Variants in HIPK2 observed in about 807,000 individuals in gnomAD.
HIPK2 encodes homeodomain-interacting protein kinase 2.
In HIPK2, 27 loss-of-function variants were observed where a neutral mutation model predicts 113.7. The observed-to-expected ratio is 0.24, with a 90% confidence interval of 0.17 to 0.33. The LOEUF (loss-of-function observed/expected upper bound fraction) is 0.33, where lower values mean the gene tolerates loss of function less well. HIPK2 is among the 10% of genes least tolerant of loss of function. HIPK2 has a pLI of 1.00. For synonymous variants in HIPK2, 631 were observed against 642.2 expected (o/e 0.98, Z 0.26); for missense variants, 1,257 against 1,588.0 (o/e 0.79, Z 3.54).
At chr7:139,632,917 AAAAC>A (rs544235565) in intron 2 of HIPK2, among the ~76,000 whole-genome samples, 2,460 of 151,858 alleles carry the variant, frequency 0.016, 23 homozygotes, top group Non-Finnish European at 0.027. Flanking sequence ...GTCTCTACCA[AAAAC>A]AAACAAACAA....
intron 1 of HIPK2, 78 bp downstream of exon 1, chr7:139,777,527 G>C: frequency 1.6e-6 from 1 of 643,428 alleles, no homozygotes; most frequent in Non-Finnish European, 2.0e-6. Context: ...CTGCGGGCGC[G>C]GGGCCGCGGG....
In HIPK2 at chr7:139,561,580, T is replaced by TCAAA. The variant is rs774466351; in HGVS notation, c.*11343_*11346dup. 2.0e-5 allele frequency: 3 copies of TCAAA among 152,238 alleles called. No homozygotes were observed. Among genetic ancestry groups the TCAAA allele is most frequent in the Non-Finnish European group, 4.4e-5 (3 of 68,046 alleles). 9.4% of individuals were successfully genotyped at this position (152,238 alleles called of 1,614,324 possible). A position where few individuals can be genotyped will look rare whatever the true frequency, so the allele number is the denominator to read the frequency against. ...CATGCCAGGCAGGTGTACAGTGATT[T>TCAAA]CAAACAGTTTAATGTAATTCCAAGA... On this transcript the variant is annotated 3_prime_UTR_variant, in exon 15 of 15. Coordinates refer to ENST00000406875, the MANE Select transcript of HIPK2 (RefSeq NM_022740.5).
chr7:139,582,490 G>A (rs981032826), intron 13 of HIPK2, among the ~76,000 whole-genome samples: 62 of 152,246 alleles, frequency 4.1e-4, no homozygotes, highest in African/African-American at 1.3e-3. Flanking sequence ...AGGCTGCATC[G>A]TCATGACGGT....
intron 13 of HIPK2, 56 bp from the exon 14 acceptor site, chr7:139,575,344 G>A: frequency 6.6e-7 from 1 of 1,507,822 alleles, no homozygotes; most frequent in East Asian, 2.5e-5. Flanking sequence ...CTGCCCAGAA[G>A]ATGCTACCCC....
rs758831488 is a variant in HIPK2 at position 139,596,913 on chromosome 7, G to A, written c.2521C>T (p.Arg841Cys). ...SKRVKENTPP[R>C]CAMVHSSPAC... ...GGGCTACTGTGCACCATGGCACAGC[G>A]GGGAGGTGTGTTCTCCTTGACACGC... is the stretch of plus-strand genomic sequence containing the variant. Residue 841 changes from arginine (R) to cysteine (C), a missense_variant, in exon 12 of 15, where the codon CGC (arginine) becomes TGC (cysteine). Coordinates refer to ENST00000406875, the MANE Select transcript of HIPK2 (RefSeq NM_022740.5). 1.9e-5 allele frequency: 31 copies of A among 1,613,370 alleles called. No individual in the cohort carries two copies. Among genetic ancestry groups the A allele is most frequent in the Admixed American group, 1.0e-4 (6 of 60,008 alleles).
intron 2 of HIPK2, among the ~76,000 whole-genome samples, chr7:139,644,782 T>C (rs1239047442): frequency 6.6e-6 from 1 of 152,206 alleles, no homozygotes; most frequent in African/African-American, 2.4e-5. Flanking sequence ...GATTTGGAAT[T>C]TCAATTCCTG....
chr7:139,664,473 T>C (rs1266132269), intron 2 of HIPK2, among the ~76,000 whole-genome samples: 3 of 151,798 alleles, frequency 2.0e-5, no homozygotes, highest in Non-Finnish European at 4.4e-5. Flanking sequence ...GGAGGCAGAG[T>C]TTACAGTGAG....
chr7:139,643,600 C>A (rs1801104933), intron 2 of HIPK2, among the ~76,000 whole-genome samples: 1 of 152,142 alleles, frequency 6.6e-6, no homozygotes, highest in South Asian at 2.1e-4. Flanking sequence ...AGCATACTGG[C>A]CTCTAAATTT....
chr7:139,630,938 A>G lies in HIPK2; in HGVS notation c.1347+227T>C, dbSNP rs10255342. 0.018 allele frequency among the ~76,000 whole-genome samples: 2,675 copies of G among 152,346 alleles called. 79 individuals carry two copies. Among genetic ancestry groups the G allele is most frequent in the African/African-American group, 0.06 (2,496 of 41,576 alleles). ...GACAGTCATCAAGGCTTATCGGATT[A>G]AATCCTGGGAGTTCAGCAATCATAA... On this transcript the variant is annotated intron_variant, in intron 4 of 14. Transcript: ENST00000406875. This position sits in a 1 kb window ranked among gnomAD's most constrained non-coding sequence, Gnocchi z 4.0.
intron 2 of HIPK2, among the ~76,000 whole-genome samples, chr7:139,671,831 C>T (rs1802314190): frequency 6.6e-6 from 1 of 152,022 alleles, no homozygotes; most frequent in Admixed American, 6.6e-5. Context: ...TATAGGTGTG[C>T]GCCACTGCAC....
chr7:139,769,367 T>C (rs1009753010), intron 1 of HIPK2, among the ~76,000 whole-genome samples: 1 of 132,034 alleles, frequency 7.6e-6, no homozygotes, highest in Non-Finnish European at 1.6e-5. Flanking sequence ...GGCTGTCTGG[T>C]TCCTTCTATT....
At chr7:139,581,677 T>A (rs1043537537) in intron 13 of HIPK2, among the ~76,000 whole-genome samples, 12 of 152,198 alleles carry the variant, frequency 7.9e-5, no homozygotes, top group African/African-American at 2.9e-4. Context: ...CCTGTATGCA[T>A]CACTGGGCTC....
At chr7:139,776,470 T>C (rs988291722) in intron 1 of HIPK2, among the ~76,000 whole-genome samples, 2 of 152,022 alleles carry the variant, frequency 1.3e-5, no homozygotes, top group African/African-American at 2.4e-5. Context: ...ATTAATGCCT[T>C]CCCTGTCTCA....
At chr7:139,775,347 A>C (rs937159241) in intron 1 of HIPK2, among the ~76,000 whole-genome samples, 4 of 152,226 alleles carry the variant, frequency 2.6e-5, no homozygotes, top group Non-Finnish European at 5.9e-5. Flanking sequence ...TGCGGGTCCT[A>C]GCAACCTAAT....
chr7:139,715,855 C>A (rs1795217574), intron 2 of HIPK2, 77 bp downstream of exon 2: 2 of 1,536,010 alleles, frequency 1.3e-6, no homozygotes, highest in Non-Finnish European at 8.8e-7. Context: ...TATCTCCCCA[C>A]AGTGACTAAG....
rs370818319 is a variant in HIPK2 at position 139,614,506 on chromosome 7, T to A, written c.1783-13A>T. 1.5e-6 allele frequency: 2 copies of A among 1,356,024 alleles called. No homozygotes were observed. The highest frequency in any genetic ancestry group is 2.2e-5 in the South Asian group (1 of 46,268). The allele number at this position is 1,356,024 out of a possible 1,614,324, so 84.0% of individuals were successfully genotyped here. A position where few individuals can be genotyped will look rare whatever the true frequency, so the allele number is the denominator to read the frequency against. ...TAGAGGAGGGAGCCTAAAGGAGTGA[T>A]GGGGATTAAACAAAAATAAACAAAA... On this transcript the variant is annotated splice_polypyrimidine_tract_variant and intron_variant, in intron 7 of 14. Coordinates refer to ENST00000406875, the MANE Select transcript of HIPK2 (RefSeq NM_022740.5).
At chr7:139,677,478 G>C (rs1283994548) in intron 2 of HIPK2, among the ~76,000 whole-genome samples, 2 of 152,116 alleles carry the variant, frequency 1.3e-5, no homozygotes, top group African/African-American at 4.8e-5. Context: ...CCGGCATTTG[G>C]TGTCTGGGGA....
chr7:139,676,770 G>T (rs1425848314), intron 2 of HIPK2, among the ~76,000 whole-genome samples: 4 of 151,918 alleles, frequency 2.6e-5, no homozygotes, highest in African/African-American at 4.8e-5. Flanking sequence ...CGAAAAACAT[G>T]TACTAAACTG....
intron 1 of HIPK2, among the ~76,000 whole-genome samples, chr7:139,723,194 CTTTTT>C (rs71170911): frequency 1.5e-5 from 2 of 133,100 alleles, no homozygotes; most frequent in Non-Finnish European, 1.6e-5. Flanking sequence ...TTTCTTTCTT[CTTTTT>C]TTTTTTTTTT....
Sources: gnomAD v4.1 joint callset for allele counts (sites outside exome capture counted in the v4.1 genomes callset) on GRCh38, gnomAD v4.1.1 for gene constraint, Gnocchi (gnomAD v3.1) non-coding constraint, MANE v1.5 for transcripts, NCBI Gene and HGNC (gene_info 2026-07-23, HGNC 2026-07-21) for gene names.